The following SCARB1 variants were observed in gnomAD, a reference collection of about 807,000 sequenced individuals.
SCARB1 encodes the protein scavenger receptor class B member 1.
A neutral mutation model predicts 57.2 loss-of-function variants in SCARB1; 30 were observed. That is an observed-to-expected ratio of 0.52 (90% CI 0.39 to 0.71). SCARB1 has a LOEUF of 0.71. Ranked by LOEUF, SCARB1 falls within the 30% of genes least tolerant of loss-of-function variation. SCARB1 has a pLI of 0.00. For missense variants in SCARB1, 543 were observed against 671.2 expected, an observed-to-expected ratio of 0.81 and a Z score of 2.11; for synonymous variants, 249 against 268.3, an observed-to-expected ratio of 0.93 and a Z score of 0.70.
intron 1 of SCARB1, among the ~76,000 whole-genome samples, chr12:124,820,920 T>C (rs1395236171): frequency 6.6e-6 from 1 of 152,096 alleles, no homozygotes; most frequent in Admixed American, 6.6e-5. Context: ...TTTATATCAA[T>C]CACACCTTAA....
At chr12:124,813,196 G>A (rs775520798) in intron 4 of SCARB1, among the ~76,000 whole-genome samples, 2 of 152,188 alleles carry the variant, frequency 1.3e-5, no homozygotes, top group Non-Finnish European at 1.5e-5. Context: ...TAGAAAGGAA[G>A]TGGACATTGG....
rs1272572455 is a variant in SCARB1, at chr12:124,796,892, C to T, written c.1129-1624G>A. ...CTGCTCTCCTTAGGAATTCTGCTGG[C>T]ATCTGGGAACCCAGATTTCAGGAGG... On this transcript the variant is annotated intron_variant, in intron 8 of 12. Coordinates refer to ENST00000261693, the MANE Select transcript of SCARB1 (RefSeq NM_005505.5). The surrounding 1 kb of genome is among the most constrained non-coding windows in gnomAD (Gnocchi z 4.0). Among the ~76,000 whole-genome samples the T allele has an allele frequency of 7.2e-5, 11 of 152,310 alleles. No individual in the cohort carries two copies. The South Asian group carries it at 1.7e-3, about 23-fold the overall frequency.
intron 9 of SCARB1, among the ~76,000 whole-genome samples, chr12:124,788,247 C>G (rs561401673): frequency 6.6e-6 from 1 of 152,332 alleles, no homozygotes; most frequent in Admixed American, 6.5e-5. Context: ...AAACTCACAT[C>G]TCCTACAGGG....
intron 9 of SCARB1, among the ~76,000 whole-genome samples, chr12:124,790,957 A>C (rs573818679): frequency 6.6e-6 from 1 of 152,344 alleles, no homozygotes; most frequent in Admixed American, 6.5e-5. Context: ...GTGCCTGAGC[A>C]ATCTGTACAA....
Position 124,817,792 on chromosome 12 carries a change from G to A in SCARB1, c.127-85C>T. ...ACAAGGCTCCGGAACAGCTGCCCGA[G>A]CCCGGCCAGGGAAGGGGCTCCTCGG... On this transcript the variant is annotated intron_variant, in intron 1 of 12. Coordinates refer to ENST00000261693, the MANE Select transcript of SCARB1 (RefSeq NM_005505.5). The surrounding 1 kb of genome is among the most constrained non-coding windows in gnomAD (Gnocchi z 4.8). 2 of 1,466,926 alleles carry A rather than the reference G, an allele frequency of 1.4e-6. No individual in the cohort carries two copies. The highest frequency in any genetic ancestry group is 1.9e-6 in the Non-Finnish European group (2 of 1,047,026). The allele number at this position is 1,466,926 out of a possible 1,614,324, so 90.9% of individuals were successfully genotyped here.
intron 8 of SCARB1, among the ~76,000 whole-genome samples, chr12:124,798,446 A>G (rs1372117453): frequency 6.6e-6 from 1 of 152,006 alleles, no homozygotes; most frequent in African/African-American, 2.4e-5. Context: ...AAATCCTGTT[A>G]TTTGTGACAA....
chr12:124,847,190 G>A lies in SCARB1; in HGVS notation c.126+16405C>T, dbSNP rs141991519. Among the ~76,000 whole-genome samples the A allele has an allele frequency of 1.5e-4, 23 of 152,340 alleles. No individual in the cohort carries two copies. The East Asian group carries it at 3.7e-3, about 24-fold the overall frequency. On this transcript the variant is annotated intron_variant, in intron 1 of 12. Transcript: ENST00000261693. The stretch of plus-strand genomic sequence containing the variant: ...ACAAAAAACAGAAATCCAAGACTCT[G>A]GGTGGAAAGTGCAAAGCGAGGGGTT...
intron 1 of SCARB1, among the ~76,000 whole-genome samples, chr12:124,834,092 G>A (rs1197501855): frequency 6.6e-6 from 1 of 152,222 alleles, no homozygotes; most frequent in Non-Finnish European, 1.5e-5. Context: ...GCCCTGAAAA[G>A]GGCTAAGCCA....
intron 1 of SCARB1, among the ~76,000 whole-genome samples, chr12:124,832,895 T>C (rs11057842): frequency 0.29 from 43,500 of 152,064 alleles, 7,000 homozygotes; most frequent in Non-Finnish European, 0.37. Flanking sequence ...ACAAAGTTAT[T>C]ATCTTACAGT....
At chr12:124,842,923 G>C (rs542953453) in intron 1 of SCARB1, among the ~76,000 whole-genome samples, 20 of 152,240 alleles carry the variant, frequency 1.3e-4, no homozygotes, top group African/African-American at 4.3e-4. Flanking sequence ...CATGGGAACC[G>C]TGTGCCCTTG....
At chr12:124,828,251 A>C (rs918569109) in intron 1 of SCARB1, among the ~76,000 whole-genome samples, 2 of 152,014 alleles carry the variant, frequency 1.3e-5, no homozygotes, top group Non-Finnish European at 2.9e-5. Context: ...CCTACCACCC[A>C]CAGCACTCTC....
intron 1 of SCARB1, among the ~76,000 whole-genome samples, chr12:124,860,230 G>T (rs1265622252): frequency 6.6e-6 from 1 of 152,174 alleles, no homozygotes; most frequent in Non-Finnish European, 1.5e-5. Flanking sequence ...ATCCCTGGGG[G>T]CACACATCCA....
intron 1 of SCARB1, among the ~76,000 whole-genome samples, chr12:124,824,828 A>G (rs1011651430): frequency 2.0e-5 from 3 of 152,246 alleles, no homozygotes; most frequent in Admixed American, 6.5e-5. Flanking sequence ...ACCCACCAGA[A>G]GCCTCATGAG....
At chr12:124,790,342 G>A (rs1422132085) in intron 9 of SCARB1, among the ~76,000 whole-genome samples, 2 of 152,138 alleles carry the variant, frequency 1.3e-5, no homozygotes, top group Non-Finnish European at 2.9e-5. Flanking sequence ...TCATGCCACT[G>A]TACTCCAGTC....
intron 12 of SCARB1, among the ~76,000 whole-genome samples, chr12:124,780,974 C>T (rs76253695): frequency 0.046 from 7,070 of 152,264 alleles, 523 homozygotes; most frequent in African/African-American, 0.15. Flanking sequence ...CACAGCACTA[C>T]GGTGTCCTGG....
At chr12:124,798,282 G>A (rs1950016046) in intron 8 of SCARB1, among the ~76,000 whole-genome samples, 1 of 152,150 alleles carries the variant, frequency 6.6e-6, no homozygotes, top group African/African-American at 2.4e-5. Context: ...GTGGTGGTGT[G>A]TGCCTTTAAT....
rs945548106 is a variant in SCARB1, at chr12:124,786,637, T to G, written c.1255-134A>C. ...CAAGCTTCCCGGCTAAAGCATGTGT[T>G]GGAGCCTGCCAGGGACCTCCTCCCT... On this transcript the variant is annotated intron_variant, in intron 10 of 12. Coordinates refer to ENST00000261693, the MANE Select transcript of SCARB1 (RefSeq NM_005505.5). 5 of 1,513,560 alleles carry G rather than the reference T, an allele frequency of 3.3e-6. No individual in the cohort carries two copies. In the African/African-American group the frequency reaches 6.9e-5, roughly 21 times the overall value. The allele number at this position is 1,513,560 out of a possible 1,614,324, so 93.8% of individuals were successfully genotyped here.
At chr12:124,832,908 T>G (rs1951462546) in intron 1 of SCARB1, among the ~76,000 whole-genome samples, 1 of 152,160 alleles carries the variant, frequency 6.6e-6, no homozygotes, top group Admixed American at 6.5e-5. Flanking sequence ...CTTACAGTTC[T>G]CGGGGGGAGA....
chr12:124,781,998 C>CTTGA (rs760704747), intron 12 of SCARB1, among the ~76,000 whole-genome samples: 6 of 152,124 alleles, frequency 3.9e-5, no homozygotes, highest in Non-Finnish European at 5.9e-5. Flanking sequence ...CTCCATCTCC[C>CTTGA]GGGTTCAAGC....
Sources: allele counts gnomAD v4.1 joint callset (sites outside exome capture counted in the v4.1 genomes callset), GRCh38; gene constraint gnomAD v4.1.1; non-coding constraint Gnocchi (gnomAD v3.1); transcripts MANE v1.5; gene names NCBI Gene and HGNC (gene_info 2026-07-23, HGNC 2026-07-21).